TENM2: variants seen among roughly 807,000 people sequenced by gnomAD.
TENM2 encodes teneurin-2.
A neutral mutation model predicts 245.2 loss-of-function variants in TENM2; 52 were observed. That is an observed-to-expected ratio of 0.21 (90% CI 0.17 to 0.27). The LOEUF (loss-of-function observed/expected upper bound fraction) is 0.27. TENM2 is among the 10% of genes least tolerant of loss of function. The probability of loss-of-function intolerance (pLI) is 1.00; values close to 1 mark genes in which losing one functional copy is unlikely to be tolerated. For synonymous variants in TENM2, 1,363 were observed against 1,438.9 expected, an observed-to-expected ratio of 0.95 and a Z score of 1.19; for missense variants, 3,046 against 3,666.8, an observed-to-expected ratio of 0.83 and a Z score of 4.37.
chr5:167,457,073 C>T (rs185326362), intron 2 of TENM2, among the ~76,000 whole-genome samples: 9 of 152,206 alleles, frequency 5.9e-5, no homozygotes, highest in Admixed American at 5.9e-4. Flanking sequence ...ATTTTGATGG[C>T]TTCTTTCCTC....
intron 2 of TENM2, among the ~76,000 whole-genome samples, chr5:167,401,538 T>C (rs1490067223): frequency 6.6e-6 from 1 of 152,142 alleles, no homozygotes; most frequent in African/African-American, 2.4e-5. Flanking sequence ...AATAAAAGGC[T>C]AACACACTTA....
At position 167,929,061 on chromosome 5, in the gene TENM2, G is replaced by GAAAGAAAGAAAGAAAGA. The variant is rs1778016167; in HGVS notation, c.713-23524_713-23508dup. Among the ~76,000 whole-genome samples, 10 of 6,268 alleles carry GAAAGAAAGAAAGAAAGA rather than the reference G, an allele frequency of 1.6e-3. 1 individual carries two copies. The highest frequency in any genetic ancestry group is 3.9e-3 in the African/African-American group (10 of 2,550). The allele number at this position is 6,268 out of a possible 152,430, so 4.1% of individuals were successfully genotyped here. On this transcript the variant is annotated intron_variant, in intron 3 of 28. Transcript: ENST00000518659. ...AGAAAAGAAAAAAGAAAGAAAGAGA[G>GAAAGAAAGAAAGAAAGA]AAAGAAAGAAAGAAAGAAAGAAAGA...
intron 1 of TENM2, among the ~76,000 whole-genome samples, chr5:167,335,284 C>A (rs953021020): frequency 5.3e-5 from 8 of 152,248 alleles, no homozygotes; most frequent in South Asian, 2.1e-4. Context: ...AACTCACTCA[C>A]TGTTGTGAGG....
chr5:167,456,903 C>T (rs761147466), intron 2 of TENM2, among the ~76,000 whole-genome samples: 4 of 152,294 alleles, frequency 2.6e-5, no homozygotes, highest in African/African-American at 4.8e-5. Context: ...CTCCGAAAAG[C>T]GCTGTGGTTG....
intron 12 of TENM2, among the ~76,000 whole-genome samples, chr5:168,134,904 G>A (rs539403803): frequency 6.6e-6 from 1 of 152,250 alleles, no homozygotes; most frequent in South Asian, 2.1e-4. Flanking sequence ...TTTACCAGAT[G>A]GCCTCATTGA....
chr5:167,896,068 G>A (rs890376284), intron 3 of TENM2, among the ~76,000 whole-genome samples: 1 of 152,242 alleles, frequency 6.6e-6, no homozygotes. Flanking sequence ...AGATGGTTGT[G>A]AGTCAGCAGG....
chr5:167,689,334 C>A (rs1757275651), intron 2 of TENM2, among the ~76,000 whole-genome samples: 1 of 152,174 alleles, frequency 6.6e-6, no homozygotes, highest in Non-Finnish European at 1.5e-5. Flanking sequence ...AGCTTTTCTG[C>A]ATCCTGCATA....
chr5:168,020,841 G>A (rs560257236), intron 5 of TENM2, among the ~76,000 whole-genome samples: 4 of 152,248 alleles, frequency 2.6e-5, no homozygotes, highest in East Asian at 1.9e-4. Context: ...AGTTAGAGCC[G>A]TTACAAGACA....
At chr5:167,873,394 A>C (rs538670905) in intron 2 of TENM2, among the ~76,000 whole-genome samples, 2 of 152,166 alleles carry the variant, frequency 1.3e-5, no homozygotes, top group Non-Finnish European at 2.9e-5. Context: ...TGTTTAGGCA[A>C]GCATCATGTA....
At chr5:167,408,177 G>A (rs1164567705) in intron 2 of TENM2, among the ~76,000 whole-genome samples, 1 of 152,060 alleles carries the variant, frequency 6.6e-6, no homozygotes, top group African/African-American at 2.4e-5. Flanking sequence ...ACACAATAGA[G>A]AAAATAAATC....
chr5:167,938,816 G>A lies in TENM2; in HGVS notation c.713-13772G>A, dbSNP rs536724910. Among the ~76,000 whole-genome samples the A allele has an allele frequency of 6.6e-4, 100 of 152,086 alleles. 1 individual carries two copies. The highest frequency in any genetic ancestry group is 9.9e-4 in the African/African-American group (41 of 41,458). On this transcript the variant is annotated intron_variant, in intron 3 of 28. Transcript: ENST00000518659. The stretch of plus-strand genomic sequence containing the variant: ...AAATTAGCCGGGTGTGGTGGCATGC[G>A]CCTGCAGTCCCAGCTACTTGGGAGG...
intron 4 of TENM2, among the ~76,000 whole-genome samples, chr5:167,980,589 GC>G (rs1782763371): frequency 6.6e-6 from 1 of 152,128 alleles, no homozygotes; most frequent in South Asian, 2.1e-4. Context: ...ATCACAAGAC[GC>G]CTTATAGGCC....
intron 13 of TENM2, among the ~76,000 whole-genome samples, chr5:168,172,771 AG>A (rs1191854006): frequency 6.6e-6 from 1 of 152,208 alleles, no homozygotes; most frequent in Non-Finnish European, 1.5e-5. Context: ...CTGAAATGCC[AG>A]GGGGTGAGCA....
At chr5:168,041,497 C>G (rs1180669685) in intron 5 of TENM2, among the ~76,000 whole-genome samples, 7 of 152,200 alleles carry the variant, frequency 4.6e-5, no homozygotes, top group Non-Finnish European at 7.3e-5. Flanking sequence ...TCAGCATAAA[C>G]TGCTTTCTCA....
chr5:167,528,621 T>C (rs1173310606), intron 2 of TENM2, among the ~76,000 whole-genome samples: 2 of 152,302 alleles, frequency 1.3e-5, no homozygotes, highest in East Asian at 1.9e-4. Context: ...GCTATATAAA[T>C]GGAGAAAATT....
Position 168,080,527 on chromosome 5 carries a change from C to T in TENM2, c.1516-10047C>T, listed in dbSNP as rs181809880. 9.9e-3 allele frequency among the ~76,000 whole-genome samples: 1,506 copies of T among 151,966 alleles called. 8 individuals carry two copies. The highest frequency in any genetic ancestry group is 0.015 in the Non-Finnish European group (999 of 67,914). On this transcript the variant is annotated intron_variant, in intron 7 of 28. Transcript: ENST00000518659. ...AGTTCTTTTAATTGTGATGTTAGGG[C>T]GTCAATTTTAGATTTTTCCTGCTTT...
intron 5 of TENM2, among the ~76,000 whole-genome samples, chr5:168,027,305 A>G (rs1229429638): frequency 6.6e-6 from 1 of 152,212 alleles, no homozygotes; most frequent in East Asian, 1.9e-4. Flanking sequence ...GGGCTTTCCC[A>G]GAAGAGGAAA....
chr5:167,765,745 A>G (rs1470207898), intron 2 of TENM2, among the ~76,000 whole-genome samples: 4 of 152,212 alleles, frequency 2.6e-5, no homozygotes, highest in Non-Finnish European at 5.9e-5. Flanking sequence ...CAGGCCGAAG[A>G]TGCACAGAGC....
exon 29 of TENM2, chr5:168,262,437 T>C: frequency 1.3e-6 from 2 of 1,574,888 alleles, no homozygotes; most frequent in African/African-American, 1.4e-5. Flanking sequence ...AACGTGACCG[T>C]GTCCCAGCCC....
Sources: gnomAD v4.1 joint callset for allele counts (sites outside exome capture counted in the v4.1 genomes callset) on GRCh38, gnomAD v4.1.1 for gene constraint, MANE v1.5 for transcripts, NCBI Gene and HGNC (gene_info 2026-07-23, HGNC 2026-07-21) for gene names.